VGLL4: variants seen among roughly 807,000 people sequenced by gnomAD.
VGLL4 encodes the protein transcription cofactor vestigial-like protein 4.
A neutral mutation model predicts 21.0 loss-of-function variants in VGLL4; 7 were observed. That is an observed-to-expected ratio of 0.33 (90% CI 0.19 to 0.63). The LOEUF (loss-of-function observed/expected upper bound fraction) is 0.63. Ranked by LOEUF, VGLL4 falls within the 20% of genes least tolerant of loss-of-function variation. VGLL4 has a pLI of 0.78. For missense variants in VGLL4, 394 were observed against 425.7 expected, an observed-to-expected ratio of 0.93 and a Z score of 0.66; for synonymous variants, 222 against 173.2, an observed-to-expected ratio of 1.28 and a Z score of -2.21.
intron 2 of VGLL4, among the ~76,000 whole-genome samples, chr3:11,654,861 A>G (rs1024487093): frequency 6.6e-6 from 1 of 152,246 alleles, no homozygotes; most frequent in African/African-American, 2.4e-5. Context: ...CAACACAACT[A>G]TATTTAGTAA....
In VGLL4 at chr3:11,564,969, C is replaced by T. The variant is rs150453536; in HGVS notation, c.323G>A (p.Arg108His). 64 of 1,540,862 alleles carry T rather than the reference C, an allele frequency of 4.2e-5. No homozygotes were observed. Among genetic ancestry groups the T allele is most frequent in the Non-Finnish European group, 5.2e-5 (59 of 1,144,412 alleles). The part of the protein sequence containing the change: ...DCRRDPRERS[R>H]SPIERAVAPT... The stretch of plus-strand genomic sequence containing the variant: ...GGCCACAGCGCGCTCGATGGGGCTG[C>T]GGCTCCGCTCCCGGGGGTCTCTGCG... The change falls in exon 3 of 5, where the codon CGC becomes CAC. Residue 108 changes from arginine (R) to histidine (H), a missense_variant. Physicochemically the swap from Arg to His is conservative, Grantham distance 29 (BLOSUM62 0). Coordinates refer to ENST00000430365, the MANE Select transcript of VGLL4 (RefSeq NM_001128219.3).
intron 2 of VGLL4, among the ~76,000 whole-genome samples, chr3:11,583,435 G>A (rs2074287729): frequency 6.6e-6 from 1 of 152,188 alleles, no homozygotes; most frequent in Non-Finnish European, 1.5e-5. Flanking sequence ...TCTCAGGAGT[G>A]TAACTTTCTA....
In VGLL4 at chr3:11,560,688, AG is replaced by A. The variant is rs1197915522; in HGVS notation, c.496-1234del. 7.9e-5 allele frequency among the ~76,000 whole-genome samples: 12 copies of A among 152,258 alleles called. No homozygotes were observed. The East Asian group carries it at 2.1e-3, about 27-fold the overall frequency. ...AACAAGAAGCGACACATGCCAGGGT[AG>A]GGGGGGATGTGGCTTAGCAACAGCA... On this transcript the variant is annotated intron_variant, in intron 3 of 4. Coordinates refer to ENST00000430365, the MANE Select transcript of VGLL4 (RefSeq NM_001128219.3).
chr3:11,652,052 A>T (rs2075879531), intron 2 of VGLL4, among the ~76,000 whole-genome samples: 1 of 152,210 alleles, frequency 6.6e-6, no homozygotes. Flanking sequence ...TTTTAACACA[A>T]ATCTATGGAC....
chr3:11,580,950 A>T (rs913942157), intron 2 of VGLL4, among the ~76,000 whole-genome samples: 9 of 152,118 alleles, frequency 5.9e-5, no homozygotes, highest in African/African-American at 1.7e-4. Context: ...TCATCGGAGG[A>T]TGGCTAATGT....
chr3:11,663,744 G>T (rs79702026), intron 2 of VGLL4, among the ~76,000 whole-genome samples: 1,872 of 152,054 alleles, frequency 0.012, 37 homozygotes, highest in African/African-American at 0.039. Context: ...ATAAAATAAA[G>T]AAAGAATTTT....
intron 2 of VGLL4, among the ~76,000 whole-genome samples, chr3:11,674,846 A>AG (rs879781200): frequency 2.0e-5 from 3 of 152,132 alleles, no homozygotes; most frequent in East Asian, 1.9e-4. Flanking sequence ...GAAAGTAATA[A>AG]GGGGGGGAAA....
chr3:11,593,853 G>C (rs899396825), intron 2 of VGLL4, among the ~76,000 whole-genome samples: 2 of 152,174 alleles, frequency 1.3e-5, no homozygotes, highest in Non-Finnish European at 2.9e-5. Flanking sequence ...TTCTTTCACT[G>C]GGCCCTTCCT....
rs530148243 is a variant in VGLL4 at position 11,565,943 on chromosome 3, G to A, written c.273-924C>T. Among the ~76,000 whole-genome samples the A allele has an allele frequency of 1.6e-4, 24 of 152,210 alleles. No homozygotes were observed. The highest frequency in any genetic ancestry group is 5.1e-4 in the African/African-American group (21 of 41,532). ...GCCCCTTCAATCCACCATATTATCC[G>A]CTGACAGAGTAACCTTTTTCCGTAA... is the stretch of plus-strand genomic sequence containing the variant. On this transcript the variant is annotated intron_variant, in intron 2 of 4. Transcript: ENST00000430365. This position sits in a 1 kb window ranked among gnomAD's most constrained non-coding sequence, Gnocchi z 4.1.
chr3:11,718,190 G>GT (rs2124838285), intron 1 of VGLL4, among the ~76,000 whole-genome samples: 2 of 152,352 alleles, frequency 1.3e-5, no homozygotes, highest in South Asian at 4.1e-4. Flanking sequence ...TTTTGCCAAA[G>GT]TTAAACAACG....
At chr3:11,626,871 G>A (rs2075360543) in intron 1 of VGLL4, among the ~76,000 whole-genome samples, 1 of 143,946 alleles carries the variant, frequency 6.9e-6, no homozygotes, top group Admixed American at 7.3e-5. Flanking sequence ...ACAATACAGA[G>A]AAGTGCTAAT....
chr3:11,564,660 G>GCTC, intron 3 of VGLL4, 137 bp downstream of exon 3: 1 of 833,096 alleles, frequency 1.2e-6, no homozygotes, highest in East Asian at 3.0e-5. Flanking sequence ...GCGAAGGGTG[G>GCTC]CATCCCTCAC....
intron 2 of VGLL4, among the ~76,000 whole-genome samples, chr3:11,700,953 CTAAG>C (rs571830396): frequency 1.6e-4 from 24 of 152,046 alleles, no homozygotes; most frequent in Non-Finnish European, 2.8e-4. Flanking sequence ...CAATCAAAAG[CTAAG>C]TAAGTGTGAA....
intron 3 of VGLL4, 136 bp from the exon 4 acceptor site, chr3:11,559,591 T>C: frequency 7.6e-7 from 1 of 1,307,702 alleles, no homozygotes; most frequent in Non-Finnish European, 1.0e-6. Flanking sequence ...ACTTCAATAC[T>C]GGAGTCCTGT....
intron 1 of VGLL4, among the ~76,000 whole-genome samples, chr3:11,621,021 T>C (rs1190707951): frequency 1.3e-5 from 2 of 152,206 alleles, no homozygotes; most frequent in African/African-American, 4.8e-5. Flanking sequence ...GAATGACCGA[T>C]AGGTGCCATT....
intron 1 of VGLL4, among the ~76,000 whole-genome samples, chr3:11,704,331 C>A (rs1277169057): frequency 4.9e-5 from 7 of 142,328 alleles, no homozygotes; most frequent in African/African-American, 1.8e-4. Context: ...TGCGGTGAGC[C>A]GAGATCGAGC....
intron 1 of VGLL4, among the ~76,000 whole-genome samples, chr3:11,711,748 T>C (rs1306042215): frequency 6.6e-6 from 1 of 151,998 alleles, no homozygotes; most frequent in African/African-American, 2.4e-5. Context: ...TTAGAGGTAT[T>C]TACTGGGTAT....
At chr3:11,648,157 G>A (rs557639593), upstream of VGLL4, among the ~76,000 whole-genome samples, 8 of 152,226 alleles carry the variant, frequency 5.3e-5, no homozygotes, top group South Asian at 4.1e-4. Flanking sequence ...CTTTTTCTAC[G>A]AATGAATAAG....
intron 1 of VGLL4, among the ~76,000 whole-genome samples, chr3:11,639,484 T>C (rs1200648096): frequency 6.6e-6 from 1 of 152,218 alleles, no homozygotes. Flanking sequence ...GAGGCTCCAC[T>C]GTGTGCTGTA....
Sources: allele counts gnomAD v4.1 joint callset (sites outside exome capture counted in the v4.1 genomes callset), GRCh38; gene constraint gnomAD v4.1.1; non-coding constraint Gnocchi (gnomAD v3.1); transcripts MANE v1.5; gene names NCBI Gene and HGNC (gene_info 2026-07-23, HGNC 2026-07-21).